TCF4: variants seen among roughly 807,000 people sequenced by gnomAD.
TCF4 encodes the protein transcription factor 4, also known as SL3-3 enhancer factor 2.
TCF4 carries 3 observed loss-of-function variants against 82.1 expected under a neutral mutation model. The observed-to-expected ratio is 0.04, with a 90% confidence interval of 0.02 to 0.09. The LOEUF (loss-of-function observed/expected upper bound fraction) is 0.09, where lower values mean the gene tolerates loss of function less well. TCF4 is among the 10% of genes least tolerant of loss of function. The pLI is 1.00. For missense variants in TCF4, 518 were observed against 852.7 expected, an observed-to-expected ratio of 0.61 and a Z score of 4.89; for synonymous variants, 276 against 309.6, an observed-to-expected ratio of 0.89 and a Z score of 1.14.
chr18:55,439,721 ATTTTTCT>A (rs1353504780), intron 5 of TCF4, among the ~76,000 whole-genome samples: 1 of 151,866 alleles, frequency 6.6e-6, no homozygotes, highest in Non-Finnish European at 1.5e-5. Flanking sequence ...TTAAACGATC[ATTTTTCT>A]TTTTTCTTTT....
intron 3 of TCF4, among the ~76,000 whole-genome samples, chr18:55,506,219 C>T (rs191919513): frequency 6.6e-5 from 10 of 152,296 alleles, no homozygotes; most frequent in Non-Finnish European, 5.9e-5. Context: ...CAGTGGAAAT[C>T]AAACAGCAGC....
chr18:55,338,920 C>A (rs1324408461), intron 8 of TCF4, among the ~76,000 whole-genome samples: 1 of 152,172 alleles, frequency 6.6e-6, no homozygotes, highest in African/African-American at 2.4e-5. Flanking sequence ...ACAGGTGACT[C>A]AATTTTTGTT....
chr18:55,353,967 G>A (rs2082873775), intron 6 of TCF4, among the ~76,000 whole-genome samples: 1 of 152,166 alleles, frequency 6.6e-6, no homozygotes, highest in African/African-American at 2.4e-5. Context: ...CATTGTGCAA[G>A]CTCATGTTCT....
chr18:55,239,625 A>G (rs1203418224), intron 15 of TCF4, among the ~76,000 whole-genome samples: 2 of 152,240 alleles, frequency 1.3e-5, no homozygotes, highest in African/African-American at 4.8e-5. Context: ...GGGGAAAATC[A>G]TAGTTCATTA....
At chr18:55,312,170 G>A (rs2072684200) in intron 8 of TCF4, among the ~76,000 whole-genome samples, 2 of 152,156 alleles carry the variant, frequency 1.3e-5, no homozygotes, top group African/African-American at 4.8e-5. Flanking sequence ...ATGTATAAAT[G>A]TGTTTAGGTT....
intron 3 of TCF4, among the ~76,000 whole-genome samples, chr18:55,531,557 TGCTACTACTATG>T (rs1456768693): frequency 6.6e-6 from 1 of 152,254 alleles, no homozygotes; most frequent in African/African-American, 2.4e-5. Context: ...AGGATAATTT[TGCTACTACTATG>T]GCTACTACTA....
At chr18:55,559,150 CAAA>C (rs748464132) in intron 3 of TCF4, among the ~76,000 whole-genome samples, 28 of 56,146 alleles carry the variant, frequency 5.0e-4, no homozygotes, top group East Asian at 4.8e-4. Flanking sequence ...TTCCCCAAAG[CAAA>C]AAAAAAAAAA....
At chr18:55,534,199 TC>T (rs763410624) in intron 3 of TCF4, among the ~76,000 whole-genome samples, 8 of 152,238 alleles carry the variant, frequency 5.3e-5, no homozygotes. Context: ...TGTCACTATC[TC>T]ATGTCAGTGT....
Position 55,415,516 on chromosome 18 carries a change from C to G in TCF4, c.305-11998G>C, listed in dbSNP as rs566303173. 1.1e-4 allele frequency among the ~76,000 whole-genome samples: 16 copies of G among 152,334 alleles called. No individual in the cohort carries two copies. The South Asian group carries it at 2.5e-3, about 24-fold the overall frequency. Reference sequence around the variant, plus strand: ...CGGCTATGGCCAGGCACTCCCCAAACTTATTTAGTACTAAGTCTCACCAAA... The same window carrying G: ...CGGCTATGGCCAGGCACTCCCCAAAGTTATTTAGTACTAAGTCTCACCAAA... On this transcript the variant is annotated intron_variant, in intron 5 of 19. Transcript: ENST00000354452.
intron 8 of TCF4, among the ~76,000 whole-genome samples, chr18:55,285,565 TC>T (rs1178017521): frequency 1.3e-5 from 2 of 152,254 alleles, no homozygotes; most frequent in African/African-American, 4.8e-5. Context: ...GTTCTGTCCC[TC>T]AGTCACAGTA....
chr18:55,543,786 A>G (rs2097183464), intron 3 of TCF4, among the ~76,000 whole-genome samples: 2 of 152,188 alleles, frequency 1.3e-5, no homozygotes, highest in South Asian at 4.1e-4. Flanking sequence ...TATAGCTGAA[A>G]GACGAAAACG....
At chr18:55,296,702 G>A (rs1266179101) in intron 8 of TCF4, among the ~76,000 whole-genome samples, 23 of 152,168 alleles carry the variant, frequency 1.5e-4, no homozygotes, top group Non-Finnish European at 2.9e-5. Context: ...ATAATCTGTG[G>A]TGTTTTCTAA....
chr18:55,564,219 GT>G (rs1202919984), intron 3 of TCF4, among the ~76,000 whole-genome samples: 5 of 152,194 alleles, frequency 3.3e-5, no homozygotes, highest in Non-Finnish European at 7.3e-5. Context: ...GAATCCCAAT[GT>G]AGCCAAACAG....
At chr18:55,534,435 A>C (rs988035412) in intron 3 of TCF4, among the ~76,000 whole-genome samples, 2 of 152,236 alleles carry the variant, frequency 1.3e-5, no homozygotes, top group Non-Finnish European at 2.9e-5. Flanking sequence ...CACATAAGTG[A>C]GGGATGGTAG....
At chr18:55,533,201 T>A (rs747416811) in intron 3 of TCF4, among the ~76,000 whole-genome samples, 4 of 152,038 alleles carry the variant, frequency 2.6e-5, no homozygotes, top group Non-Finnish European at 5.9e-5. Flanking sequence ...ACAACCGCAA[T>A]AAAACCAGCC....
intron 8 of TCF4, among the ~76,000 whole-genome samples, chr18:55,320,245 A>C (rs1217841072): frequency 6.6e-6 from 1 of 152,118 alleles, no homozygotes; most frequent in Non-Finnish European, 1.5e-5. Context: ...AGATTTAAAC[A>C]CTTTGATCAA....
At chr18:55,556,177 T>C (rs977755082) in intron 3 of TCF4, among the ~76,000 whole-genome samples, 1 of 152,100 alleles carries the variant, frequency 6.6e-6, no homozygotes, top group Non-Finnish European at 1.5e-5. Flanking sequence ...AAATTCCACA[T>C]TGTTTATTCT....
intron 8 of TCF4, among the ~76,000 whole-genome samples, chr18:55,289,435 T>C (rs988984601): frequency 1.1e-4 from 17 of 152,356 alleles, no homozygotes; most frequent in Non-Finnish European, 2.2e-4. Context: ...CAATTAAACA[T>C]TATTGCTTCT....
intron 6 of TCF4, among the ~76,000 whole-genome samples, chr18:55,395,980 G>A (rs765835244): frequency 1.3e-5 from 2 of 151,900 alleles, no homozygotes; most frequent in African/African-American, 2.4e-5. Flanking sequence ...TCTGCCCTCC[G>A]CTATGCCTTT....
Sources: gnomAD v4.1 joint callset for allele counts (sites outside exome capture counted in the v4.1 genomes callset) on GRCh38, gnomAD v4.1.1 for gene constraint, MANE v1.5 for transcripts, NCBI Gene and HGNC (gene_info 2026-07-23, HGNC 2026-07-21) for gene names.